TRPC5: variants seen among roughly 807,000 people sequenced by gnomAD.
The protein encoded by TRPC5 is short transient receptor potential channel 5.
TRPC5 carries 9 observed loss-of-function variants against 56.5 expected under a neutral mutation model. That is an observed-to-expected ratio of 0.16 (90% confidence interval 0.10 to 0.28). The LOEUF is 0.28. Ranked by LOEUF, TRPC5 falls within the 10% of genes least tolerant of loss-of-function variation. The probability of loss-of-function intolerance (pLI) is 1.00; values close to 1 mark genes in which losing one functional copy is unlikely to be tolerated. For synonymous variants in TRPC5, 282 were observed against 278.5 expected, an observed-to-expected ratio of 1.01 and a Z score of -0.13; for missense variants, 469 against 748.9, an observed-to-expected ratio of 0.63 and a Z score of 4.36.
intron 1 of TRPC5, among the ~76,000 whole-genome samples, chrX:111,990,293 C>T (rs1720012854): frequency 9.1e-6 from 1 of 110,243 alleles, no homozygotes; most frequent in South Asian, 3.9e-4. Context: ...TGGTGGGCAC[C>T]TGTAATCCCA....
At chrX:112,071,924 C>T (rs1160481587) in intron 1 of TRPC5, among the ~76,000 whole-genome samples, 1 of 111,990 alleles carries the variant, frequency 8.9e-6, no homozygotes, top group Non-Finnish European at 1.9e-5. Flanking sequence ...GCATTCTCTC[C>T]TCAGTGACTT....
intron 1 of TRPC5, among the ~76,000 whole-genome samples, chrX:112,058,894 A>C (rs1047673910): frequency 1.8e-5 from 2 of 111,503 alleles, no homozygotes; most frequent in Non-Finnish European, 3.8e-5. Context: ...TCTTCATCTT[A>C]CAGATGAAGG....
Position 111,907,813 on chromosome X carries a change from CT to C in TRPC5, c.900+4477del, listed in dbSNP as rs1212364290. On this transcript the variant is annotated intron_variant, in intron 3 of 10. Coordinates refer to ENST00000262839, the MANE Select transcript of TRPC5 (RefSeq NM_012471.3). ...GATAAAATAAAGATCAAAATCATGA[CT>C]TTTTTATGCTTGTGGCCCTAAGCAC... 4.5e-5 allele frequency among the ~76,000 whole-genome samples: 5 copies of C among 110,269 alleles called. No homozygotes were observed. In the Admixed American group the frequency reaches 4.8e-4, roughly 11 times the overall value.
intron 2 of TRPC5, among the ~76,000 whole-genome samples, chrX:111,913,850 C>T (rs941220507): frequency 2.8e-5 from 3 of 108,532 alleles, no homozygotes; most frequent in Non-Finnish European, 1.9e-5. Context: ...GTCCCAGCTA[C>T]GTGGGAGCCT....
intron 1 of TRPC5, among the ~76,000 whole-genome samples, chrX:111,967,653 C>T (rs1319676308): frequency 9.0e-6 from 1 of 111,323 alleles, no homozygotes; most frequent in Non-Finnish European, 1.9e-5. Flanking sequence ...GAACAGAGCC[C>T]TCAGAAATAA....
At chrX:111,921,446 C>A (rs757243943) in intron 2 of TRPC5, among the ~76,000 whole-genome samples, 1 of 105,537 alleles carries the variant, frequency 9.5e-6, no homozygotes, top group African/African-American at 3.6e-5. Flanking sequence ...TACGATTTAA[C>A]ATTTTTTTTT....
At chrX:111,954,357 C>T (rs1927171601) in intron 1 of TRPC5, among the ~76,000 whole-genome samples, 1 of 111,869 alleles carries the variant, frequency 8.9e-6, no homozygotes, top group Non-Finnish European at 1.9e-5. Context: ...CAACCCTGCT[C>T]ATTGAAGGCT....
chrX:111,956,153 C>A (rs1045742607), intron 1 of TRPC5, among the ~76,000 whole-genome samples: 1 of 112,729 alleles, frequency 8.9e-6, no homozygotes, highest in Non-Finnish European at 1.9e-5. Flanking sequence ...TGGCAAATCC[C>A]AGCCCAGATT....
At chrX:111,777,621 T>G (rs183312445) in intron 10 of TRPC5, among the ~76,000 whole-genome samples, 6 of 111,611 alleles carry the variant, frequency 5.4e-5, no homozygotes, top group African/African-American at 2.0e-4. Flanking sequence ...ACTACAAGGT[T>G]TTTCAAGGCC....
intron 1 of TRPC5, among the ~76,000 whole-genome samples, chrX:111,965,653 A>G (rs149171757): frequency 0.08 from 8,982 of 111,987 alleles, 349 homozygotes; most frequent in Non-Finnish European, 0.12. Flanking sequence ...TCAAACTAGA[A>G]CTCAGGATTA....
Position 111,947,053 on chromosome X carries a change from C to CAG in TRPC5, c.378+4988_378+4989dup, listed in dbSNP as rs1304532640. ...ATGGAGATAGTGAGGTGGACCGAGT[C>CAG]AGGTCAGGAACATATTCACACCTCT... On this transcript the variant is annotated intron_variant, in intron 2 of 10. Transcript: ENST00000262839. Among the ~76,000 whole-genome samples the CAG allele has an allele frequency of 5.4e-5, 6 of 111,657 alleles. No homozygotes were observed. In the Admixed American group the frequency reaches 5.7e-4, roughly 11 times the overall value.
chrX:111,772,010 A>G lies in TRPC5; in HGVS notation c.*4303T>C, dbSNP rs1385372836. Among the ~76,000 whole-genome samples, 1 of 111,546 alleles carries G rather than the reference A, an allele frequency of 9.0e-6. No individual in the cohort carries two copies. Among genetic ancestry groups the G allele is most frequent in the African/African-American group, 3.3e-5 (1 of 30,634 alleles). On this transcript the variant is annotated 3_prime_UTR_variant, in exon 11 of 11. Coordinates refer to ENST00000262839, the MANE Select transcript of TRPC5 (RefSeq NM_012471.3). ...CTGTTAAGTTTTGTTATGTGTGTCTATGTATATACACAGACACGTTCTCAC... is the reference window on the plus strand; with the variant it reads ...CTGTTAAGTTTTGTTATGTGTGTCTGTGTATATACACAGACACGTTCTCAC...
At chrX:111,788,762 C>A (rs1449882283) in intron 7 of TRPC5, among the ~76,000 whole-genome samples, 1 of 110,955 alleles carries the variant, frequency 9.0e-6, no homozygotes, top group Non-Finnish European at 1.9e-5. Context: ...CATTCTTATA[C>A]ACCAATAACA....
chrX:111,922,770 A>C (rs1926157549), intron 2 of TRPC5, among the ~76,000 whole-genome samples: 1 of 112,052 alleles, frequency 8.9e-6, no homozygotes, highest in Admixed American at 9.5e-5. Flanking sequence ...GACAACATTT[A>C]CTTGGGGATA....
chrX:112,004,671 G>C (rs1186637823), intron 1 of TRPC5, among the ~76,000 whole-genome samples: 1 of 111,429 alleles, frequency 9.0e-6, no homozygotes, highest in Non-Finnish European at 1.9e-5. Context: ...GAAATTCTGA[G>C]GCACACTCAC....
chrX:111,909,324 C>T lies in TRPC5; in HGVS notation c.900+2967G>A, dbSNP rs1183047730. ...CAGCCTGGGTGACAGAGAGAGCCTC[C>T]GTCTCAAAAATAAATAAATAAATAA... On this transcript the variant is annotated intron_variant, in intron 3 of 10. Coordinates refer to ENST00000262839, the MANE Select transcript of TRPC5 (RefSeq NM_012471.3). Among the ~76,000 whole-genome samples the T allele has an allele frequency of 2.8e-5, 3 of 105,289 alleles. No individual in the cohort carries two copies. In the East Asian group the frequency reaches 8.8e-4, roughly 31 times the overall value. The allele number at this position is 105,289 out of a possible 115,157, so 91.4% of individuals were successfully genotyped here.
At chrX:111,839,128 C>G (rs919214431) in intron 6 of TRPC5, among the ~76,000 whole-genome samples, 1 of 111,834 alleles carries the variant, frequency 8.9e-6, no homozygotes, top group Non-Finnish European at 1.9e-5. Context: ...ATGCCTTTGA[C>G]AAGCTCCTGT....
intron 1 of TRPC5, among the ~76,000 whole-genome samples, chrX:112,018,796 G>T (rs1929193553): frequency 8.9e-6 from 1 of 111,917 alleles, no homozygotes. Flanking sequence ...GTCTGGCAGG[G>T]GCTGAATTTC....
intron 7 of TRPC5, among the ~76,000 whole-genome samples, chrX:111,801,760 T>C (rs987628904): frequency 8.9e-6 from 1 of 112,519 alleles, no homozygotes; most frequent in African/African-American, 3.2e-5. Flanking sequence ...TATTGAGACG[T>C]AAACATTGTG....
Sources: allele counts gnomAD v4.1 joint callset (sites outside exome capture counted in the v4.1 genomes callset), GRCh38; gene constraint gnomAD v4.1.1; transcripts MANE v1.5; gene names NCBI Gene and HGNC (gene_info 2026-07-23, HGNC 2026-07-21).